The following GRIN2B variants were observed in gnomAD, a reference collection of about 807,000 sequenced individuals.
GRIN2B encodes the protein glutamate ionotropic receptor NMDA type subunit 2B, also known as glutamate receptor ionotropic, NMDA 2B.
Under a neutral mutation model 114.5 loss-of-function variants are expected in GRIN2B, and 5 were observed. That is an observed-to-expected ratio of 0.04 (90% CI 0.02 to 0.09). The LOEUF (loss-of-function observed/expected upper bound fraction) is 0.09, where lower values mean the gene tolerates loss of function less well. Among genes scored for constraint, GRIN2B ranks in the 10% least tolerant of loss-of-function variants. GRIN2B has a pLI of 1.00. For synonymous variants in GRIN2B, 787 were observed against 745.1 expected (o/e 1.06, Z -0.92); for missense variants, 1,108 against 1,943.5 (o/e 0.57, Z 8.08).
intron 4 of GRIN2B, among the ~76,000 whole-genome samples, chr12:13,710,830 C>T (rs982029257): frequency 3.3e-5 from 5 of 152,012 alleles, no homozygotes; most frequent in Non-Finnish European, 1.5e-5. Flanking sequence ...CAATGCCATC[C>T]CCATCAAGCT....
At position 13,727,501 on chromosome 12, in the gene GRIN2B, CTTCCCTCA is replaced by C. The variant is rs1863012313; in HGVS notation, c.1010+25808_1010+25815del. ...GCATTGGGTGATCCAAATGCTAGCT[CTTCCCTCA>C]TTAGATGTGACACAGCTTGTTCTTT... is the stretch of plus-strand genomic sequence containing the variant. On this transcript the variant is annotated intron_variant, in intron 4 of 13. Coordinates refer to ENST00000609686, the MANE Select transcript of GRIN2B (RefSeq NM_000834.5). Among the ~76,000 whole-genome samples the C allele has an allele frequency of 3.3e-5, 5 of 152,302 alleles. No individual in the cohort carries two copies. In the South Asian group the frequency reaches 1.0e-3, roughly 32 times the overall value.
chr12:13,887,912 A>G (rs937173315), intron 2 of GRIN2B, among the ~76,000 whole-genome samples: 3 of 152,310 alleles, frequency 2.0e-5, no homozygotes, highest in South Asian at 2.1e-4. Context: ...TATGGTGACA[A>G]TGGCTCTATC....
At chr12:13,599,081 C>T (rs1949116152) in intron 10 of GRIN2B, among the ~76,000 whole-genome samples, 1 of 152,180 alleles carries the variant, frequency 6.6e-6, no homozygotes, top group South Asian at 2.1e-4. Flanking sequence ...TGCTCTCGAT[C>T]AAAGCCATCA....
intron 3 of GRIN2B, among the ~76,000 whole-genome samples, chr12:13,857,515 A>G (rs974823705): frequency 6.6e-6 from 1 of 152,248 alleles, no homozygotes; most frequent in East Asian, 1.9e-4. Context: ...TTGAAAGTTA[A>G]GAAAAAAAGA....
intron 3 of GRIN2B, among the ~76,000 whole-genome samples, chr12:13,829,074 A>G (rs1865103182): frequency 6.6e-6 from 1 of 152,182 alleles, no homozygotes; most frequent in African/African-American, 2.4e-5. Flanking sequence ...ATTCTACCAT[A>G]GAAGAGGCCA....
At chr12:13,690,175 T>TATTCA (rs1950202738) in intron 4 of GRIN2B, among the ~76,000 whole-genome samples, 1 of 152,144 alleles carries the variant, frequency 6.6e-6, no homozygotes, top group Admixed American at 6.6e-5. Context: ...TTGTGGTAAG[T>TATTCA]ATTCAATAAT....
intron 2 of GRIN2B, among the ~76,000 whole-genome samples, chr12:13,979,349 C>G (rs765573019): frequency 1.3e-5 from 2 of 151,976 alleles, no homozygotes; most frequent in African/African-American, 4.8e-5. Context: ...ATAGGCCTCC[C>G]GGGATCTCTG....
chr12:13,614,016 C>CAAAAAAAAAAA (rs77527098), intron 8 of GRIN2B, among the ~76,000 whole-genome samples: 6 of 92,898 alleles, frequency 6.5e-5, no homozygotes, highest in Admixed American at 1.4e-4. Flanking sequence ...CCTTGCACAG[C>CAAAAAAAAAAA]AAAAAAAAAA....
chr12:13,980,887 C>A (rs1358626663), intron 1 of GRIN2B, among the ~76,000 whole-genome samples: 1 of 151,544 alleles, frequency 6.6e-6, no homozygotes, highest in Admixed American at 6.6e-5. Flanking sequence ...TTGGAAGGGG[C>A]ACACTGACGC....
chr12:13,802,575 A>G (rs937220198), intron 3 of GRIN2B, among the ~76,000 whole-genome samples: 6 of 152,154 alleles, frequency 3.9e-5, no homozygotes, highest in African/African-American at 1.4e-4. Context: ...AAAATACTGA[A>G]TAGAGAATTG....
At chr12:13,964,766 G>A (rs889419670) in intron 2 of GRIN2B, among the ~76,000 whole-genome samples, 2 of 152,200 alleles carry the variant, frequency 1.3e-5, no homozygotes, top group Non-Finnish European at 2.9e-5. Context: ...AAGATGAAGC[G>A]GGTTTGGGGG....
At chr12:13,669,080 G>A (rs1950001555) in intron 5 of GRIN2B, among the ~76,000 whole-genome samples, 1 of 151,810 alleles carries the variant, frequency 6.6e-6, no homozygotes, top group South Asian at 2.1e-4. Flanking sequence ...GCTTGCACGG[G>A]ACTGTACATT....
intron 3 of GRIN2B, among the ~76,000 whole-genome samples, chr12:13,858,753 T>C (rs1412449651): frequency 6.6e-6 from 1 of 152,196 alleles, no homozygotes; most frequent in East Asian, 1.9e-4. Flanking sequence ...TAGAAAATGA[T>C]CTTGACTTGT....
chr12:13,549,037 C>T lies in GRIN2B; in HGVS notation c.*13746G>A, dbSNP rs1948380582. ...AAAAGTTACTCTACATTAAGCAGGACACTAGAGCTCTTTCACTGTTTTTGG... is the reference window on the plus strand; with the variant it reads ...AAAAGTTACTCTACATTAAGCAGGATACTAGAGCTCTTTCACTGTTTTTGG... On this transcript the variant is annotated 3_prime_UTR_variant, in exon 14 of 14. Transcript: ENST00000609686. The T allele has an allele frequency of 6.6e-6, 1 of 151,992 alleles. No homozygotes were observed. The highest frequency in any genetic ancestry group is 6.5e-5 in the Admixed American group (1 of 15,268). 9.4% of individuals were successfully genotyped at this position (151,992 alleles called of 1,614,324 possible).
Position 13,562,691 on chromosome 12 carries a change from C to T in GRIN2B, c.*92G>A. ...AAACAAGAAAGGAGCAAATGGGAAC[C>T]AAGTTCACCCCCGTCACCCTCCGTG... On this transcript the variant is annotated 3_prime_UTR_variant, in exon 14 of 14. Transcript: ENST00000609686. 9.2e-7 allele frequency: 1 copy of T among 1,087,170 alleles called. No individual in the cohort carries two copies. Among genetic ancestry groups the T allele is most frequent in the Non-Finnish European group, 1.4e-6 (1 of 703,822 alleles). The allele number at this position is 1,087,170 out of a possible 1,614,324, so 67.3% of individuals were successfully genotyped here. A position where few individuals can be genotyped will look rare whatever the true frequency, so the allele number is the denominator to read the frequency against.
At chr12:13,852,782 C>T (rs1312473503) in intron 3 of GRIN2B, among the ~76,000 whole-genome samples, 1 of 151,792 alleles carries the variant, frequency 6.6e-6, no homozygotes, top group Non-Finnish European at 1.5e-5. Context: ...CAAAATGGCT[C>T]CATGGCATAT....
At chr12:13,629,855 C>T (rs986525769) in intron 5 of GRIN2B, among the ~76,000 whole-genome samples, 12 of 152,210 alleles carry the variant, frequency 7.9e-5, no homozygotes, top group South Asian at 4.1e-4. Context: ...AATGACACAG[C>T]TCTTCCCTTA....
chr12:13,833,968 C>T (rs1438971951), intron 3 of GRIN2B, among the ~76,000 whole-genome samples: 2 of 151,206 alleles, frequency 1.3e-5, no homozygotes, highest in Non-Finnish European at 2.9e-5. Flanking sequence ...CACATGCCCA[C>T]TGCCTACAGA....
At chr12:13,600,935 T>TA (rs1306803863) in intron 10 of GRIN2B, among the ~76,000 whole-genome samples, 2 of 152,216 alleles carry the variant, frequency 1.3e-5, no homozygotes, top group Non-Finnish European at 2.9e-5. Context: ...AGACTGCCTA[T>TA]AAAGCATGTC....
Sources: allele counts gnomAD v4.1 joint callset (sites outside exome capture counted in the v4.1 genomes callset), GRCh38; gene constraint gnomAD v4.1.1; transcripts MANE v1.5; gene names NCBI Gene and HGNC (gene_info 2026-07-23, HGNC 2026-07-21).